The following CYP3A7 variants were observed in gnomAD, a reference collection of about 807,000 sequenced individuals.
CYP3A7 encodes the protein cytochrome P450 family 3 subfamily A member 7, also known as cytochrome P450 3A7.
A neutral mutation model predicts 55.2 loss-of-function variants in CYP3A7; 45 were observed. The observed-to-expected ratio is 0.82, with a 90% CI of 0.64 to 1.05. The LOEUF is 1.05. Ranked by LOEUF, CYP3A7 falls within the 50% of genes least tolerant of loss-of-function variation. The pLI is 0.00. For synonymous variants in CYP3A7, 180 were observed against 207.4 expected (o/e 0.87, Z 1.13); for missense variants, 548 against 605.3 (o/e 0.91, Z 0.99).
At chr7:99,727,113 G>C (rs1563027637) in intron 2 of CYP3A7, among the ~76,000 whole-genome samples, 1 of 152,112 alleles carries the variant, frequency 6.6e-6, no homozygotes, top group African/African-American at 2.4e-5. Flanking sequence ...GACAGCTCTA[G>C]AGGCTGTTCC....
chr7:99,726,821 C>G (rs937860856), intron 2 of CYP3A7, among the ~76,000 whole-genome samples: 1 of 152,170 alleles, frequency 6.6e-6, no homozygotes. Flanking sequence ...ATCGGGTATC[C>G]CCCTCCAAAG....
chr7:99,717,564 A>G lies in CYP3A7; in HGVS notation c.394T>C (p.Leu132=). ...EDEEWKRIRS[L]LSPTFTSGKL... Reference sequence around the variant, plus strand: ...CCGCTGGTGAATGTTGGAGACAGCAATGATCGTATTCTCTTCCATTCTTCA... The same window carrying G: ...CCGCTGGTGAATGTTGGAGACAGCAGTGATCGTATTCTCTTCCATTCTTCA... The change falls in exon 5 of 13, where the codon TTG becomes CTG. Residue 132 remains leucine (L), a synonymous_variant. Coordinates refer to ENST00000336374, the MANE Select transcript of CYP3A7 (RefSeq NM_000765.5). The G allele has an allele frequency of 1.2e-6, 2 of 1,613,776 alleles. No individual in the cohort carries two copies. Among genetic ancestry groups the G allele is most frequent in the Non-Finnish European group, 1.7e-6 (2 of 1,179,804 alleles).
intron 1 of CYP3A7, among the ~76,000 whole-genome samples, chr7:99,734,530 TAGATCTGCAAAA>T (rs1814754602): frequency 1.3e-5 from 2 of 152,200 alleles, no homozygotes; most frequent in African/African-American, 4.8e-5. Flanking sequence ...TATTCCTTTA[TAGATCTGCAAAA>T]CATCCATCAT....
At chr7:99,714,335 A>G (rs537875120) in intron 8 of CYP3A7, among the ~76,000 whole-genome samples, 18 of 152,154 alleles carry the variant, frequency 1.2e-4, no homozygotes, top group African/African-American at 4.1e-4. Context: ...CTTGTGCCTG[A>G]TATCAAATTT....
chr7:99,734,715 A>G (rs1211602171), intron 1 of CYP3A7, among the ~76,000 whole-genome samples: 1 of 149,242 alleles, frequency 6.7e-6, no homozygotes, highest in Non-Finnish European at 1.5e-5. Context: ...TCCGCCTCCC[A>G]GGTTCAAGCA....
intron 7 of CYP3A7, chr7:99,715,535 A>G (rs1813908284): frequency 1.4e-6 from 1 of 702,400 alleles, no homozygotes; most frequent in African/African-American, 1.8e-5. Context: ...ATATACGACA[A>G]CAGGATTTCT....
intron 11 of CYP3A7, among the ~76,000 whole-genome samples, chr7:99,708,707 G>C (rs1228781050): frequency 6.6e-6 from 1 of 152,040 alleles, no homozygotes; most frequent in Non-Finnish European, 1.5e-5. Context: ...AGTATATTCA[G>C]GAAAAAATAT....
rs749594032 is a variant in CYP3A7, at chr7:99,731,051, ACACT to A, written c.165+4_165+7del. On this transcript the variant is annotated splice_donor_5th_base_variant and intron_variant, in intron 2 of 12. Coordinates refer to ENST00000336374, the MANE Select transcript of CYP3A7 (RefSeq NM_000765.5). ...AAGAAGCAAAAGAGGAAGCTCAAAA[ACACT>A]CACCTTACGGAAGGACAAAGCATTT... 6.2e-7 allele frequency: 1 copy of A among 1,613,770 alleles called. No homozygotes were observed. The highest frequency in any genetic ancestry group is 8.5e-7 in the Non-Finnish European group (1 of 1,179,728).
At chr7:99,712,307 A>G (rs1453332508) in intron 9 of CYP3A7, among the ~76,000 whole-genome samples, 1 of 152,236 alleles carries the variant, frequency 6.6e-6, no homozygotes, top group Admixed American at 6.5e-5. Context: ...AAATTCAACT[A>G]TCTAATAATT....
intron 8 of CYP3A7, 110 bp downstream of exon 8, chr7:99,714,445 T>C (rs1291128970): frequency 1.3e-5 from 20 of 1,521,638 alleles, no homozygotes; most frequent in East Asian, 2.3e-5. Flanking sequence ...AAGTACTCTT[T>C]ATGTTAAAAT....
rs540410945 is a variant in CYP3A7 at position 99,708,469 on chromosome 7, CCTTCTCT to C, written c.1254-502_1254-496del. ...CTCCTCCCTACCTTGTCTTACCCCT[CCTTCTCT>C]CCTCCTTCTCCTCCTTCTTCTAATC... is the stretch of plus-strand genomic sequence containing the variant. On this transcript the variant is annotated intron_variant, in intron 11 of 12. Transcript: ENST00000336374. Among the ~76,000 whole-genome samples the C allele has an allele frequency of 1.4e-4, 21 of 152,092 alleles. No individual in the cohort carries two copies. The East Asian group carries it at 2.3e-3, about 17-fold the overall frequency.
intron 9 of CYP3A7, 60 bp downstream of exon 9, chr7:99,713,409 A>C: frequency 1.9e-6 from 3 of 1,608,854 alleles, no homozygotes; most frequent in Non-Finnish European, 2.6e-6. Flanking sequence ...GCACATTTTC[A>C]GAACAAAACC....
At position 99,731,529 on chromosome 7, in the gene CYP3A7, C is replaced by T. The variant is rs185227843; in HGVS notation, c.72-377G>A. 2.6e-5 allele frequency among the ~76,000 whole-genome samples: 4 copies of T among 152,280 alleles called. No individual in the cohort carries two copies. The East Asian group carries it at 7.7e-4, about 29-fold the overall frequency. ...TCTTCCCTGATTTTGGGATTCTCAT[C>T]CTAGGTAGAAAGAGTGACAATTTTT... On this transcript the variant is annotated intron_variant, in intron 1 of 12. Transcript: ENST00000336374.
intron 4 of CYP3A7, among the ~76,000 whole-genome samples, chr7:99,719,747 G>C (rs1319140710): frequency 6.6e-6 from 1 of 152,162 alleles, no homozygotes; most frequent in South Asian, 2.1e-4. Context: ...GCTGGTCATT[G>C]CACAAATCTA....
chr7:99,713,390 A>G, intron 9 of CYP3A7, 79 bp downstream of exon 9: 1 of 1,597,632 alleles, frequency 6.3e-7, no homozygotes, highest in Non-Finnish European at 8.6e-7. Flanking sequence ...TCTACCTGGA[A>G]TACTTCCTGC....
In CYP3A7 at chr7:99,717,249, G is replaced by A. The variant is rs770211722; in HGVS notation, c.449C>T (p.Ala150Val). ...TCTCACCAACACATCTCCATACTGG[G>A]CAATGATAGGGACCATCTAAGCACA... ...GKLKEMVPII[A>V]QYGDVLVRNL... Residue 150 changes from alanine (A) to valine (V), a missense_variant, in exon 6 of 13, where the codon GCC (alanine) becomes GTC (valine). By Grantham distance (64) the Ala-to-Val change is moderately conservative. Transcript: ENST00000336374. The A allele has an allele frequency of 1.9e-6, 3 of 1,613,936 alleles. No individual in the cohort carries two copies.
intron 11 of CYP3A7, 121 bp from the exon 12 acceptor site, chr7:99,708,095 G>A: frequency 7.2e-7 from 1 of 1,389,372 alleles, no homozygotes; most frequent in Non-Finnish European, 1.0e-6. Context: ...ACTTTTGTGG[G>A]CTAGTCACTG....
intron 12 of CYP3A7, among the ~76,000 whole-genome samples, chr7:99,707,183 G>C (rs1813556544): frequency 6.6e-6 from 1 of 152,210 alleles, no homozygotes; most frequent in South Asian, 2.1e-4. Flanking sequence ...GTTGGTTGGA[G>C]CTAGGCACCT....
intron 8 of CYP3A7, 70 bp downstream of exon 8, chr7:99,714,485 C>A (rs1211129700): frequency 2.5e-6 from 4 of 1,593,192 alleles, no homozygotes; most frequent in Non-Finnish European, 3.4e-6. Context: ...GGGAAGTGCA[C>A]CGATCATATG....
Sources: allele counts gnomAD v4.1 joint callset (sites outside exome capture counted in the v4.1 genomes callset), GRCh38; gene constraint gnomAD v4.1.1; transcripts MANE v1.5; gene names NCBI Gene and HGNC (gene_info 2026-07-23, HGNC 2026-07-21).